Variants in QTMAN observed in about 807,000 individuals in gnomAD.
QTMAN encodes tRNA-queuosine alpha-mannosyltransferase.
the QTMAN span, chr2:144,178,729 G>A: frequency 1.1e-5 from 3 of 280,028 alleles, no homozygotes; most frequent in African/African-American, 4.6e-5. Flanking sequence ...TAGTTACAAC[G>A]AAAGCCAGAA....
At chr2:144,264,943 T>C in the QTMAN span, among the ~76,000 whole-genome samples, 1 of 152,224 alleles carries the variant, frequency 6.6e-6, no homozygotes, top group Non-Finnish European at 1.5e-5. Flanking sequence ...GACAGCTGTA[T>C]TTCTCAATCA....
chr2:144,227,963 TC>T, the QTMAN span, among the ~76,000 whole-genome samples: 2 of 152,140 alleles, frequency 1.3e-5, no homozygotes, highest in African/African-American at 4.8e-5. Context: ...TAGACAGAAG[TC>T]CCTGTGAGTA....
At chr2:144,307,268 C>G in the QTMAN span, among the ~76,000 whole-genome samples, 1 of 140,334 alleles carries the variant, frequency 7.1e-6, no homozygotes, top group South Asian at 2.2e-4. Context: ...CATTCACATG[C>G]AATATAATAA....
the QTMAN span, among the ~76,000 whole-genome samples, chr2:144,001,891 G>A: frequency 6.6e-6 from 1 of 151,870 alleles, no homozygotes; most frequent in African/African-American, 2.4e-5. Context: ...CAATTCCAAT[G>A]GCTGGTGGCA....
At chr2:144,332,213 C>T in the QTMAN span, among the ~76,000 whole-genome samples, 3 of 151,976 alleles carry the variant, frequency 2.0e-5, no homozygotes, top group African/African-American at 4.8e-5. Flanking sequence ...GTGCGGACGG[C>T]GGCGCAGGGA....
chr2:144,017,480 G>C, the QTMAN span, among the ~76,000 whole-genome samples: 1 of 152,146 alleles, frequency 6.6e-6, no homozygotes, highest in African/African-American at 2.4e-5. Flanking sequence ...CAGAGGTAAG[G>C]ATTAAGCATC....
At chr2:144,001,389 T>A in the QTMAN span, among the ~76,000 whole-genome samples, 1 of 151,954 alleles carries the variant, frequency 6.6e-6, no homozygotes, top group South Asian at 2.1e-4. Flanking sequence ...TAGTTCTCAA[T>A]GATTGGACTT....
the QTMAN span, among the ~76,000 whole-genome samples, chr2:143,961,762 C>T: frequency 6.6e-6 from 1 of 152,060 alleles, no homozygotes; most frequent in East Asian, 1.9e-4. Context: ...GATTATTCTA[C>T]TTACAGAAGC....
chr2:144,072,242 G>T, the QTMAN span, among the ~76,000 whole-genome samples: 2 of 152,084 alleles, frequency 1.3e-5, no homozygotes, highest in Non-Finnish European at 2.9e-5. Flanking sequence ...CAGAAAAAAA[G>T]CAGAAAAGAG....
At chr2:144,134,239 C>T in the QTMAN span, among the ~76,000 whole-genome samples, 1 of 152,090 alleles carries the variant, frequency 6.6e-6, no homozygotes, top group Admixed American at 6.6e-5. Context: ...GGCGCCTCGC[C>T]TTTGTTTGCA....
the QTMAN span, among the ~76,000 whole-genome samples, chr2:143,958,073 G>A: frequency 6.6e-6 from 1 of 152,006 alleles, no homozygotes; most frequent in Admixed American, 6.6e-5. Context: ...TCAAGGATAA[G>A]GTGAAATTCC....
chr2:144,290,201 G>A, the QTMAN span, among the ~76,000 whole-genome samples: 20 of 151,970 alleles, frequency 1.3e-4, no homozygotes, highest in Admixed American at 1.3e-3. Context: ...TAAGGGGATG[G>A]AACAGAGGGT....
chr2:144,317,998 T>C, the QTMAN span, among the ~76,000 whole-genome samples: 2 of 152,242 alleles, frequency 1.3e-5, no homozygotes, highest in Admixed American at 1.3e-4. Context: ...TTGAAAATGG[T>C]TTGCCTTAAA....
At chr2:144,071,674 G>A in the QTMAN span, among the ~76,000 whole-genome samples, 7 of 152,042 alleles carry the variant, frequency 4.6e-5, no homozygotes, top group Non-Finnish European at 8.8e-5. Flanking sequence ...GCCATCTAGC[G>A]GAGATGAAAG....
At chr2:144,068,462 T>C in the QTMAN span, among the ~76,000 whole-genome samples, 1 of 152,242 alleles carries the variant, frequency 6.6e-6, no homozygotes, top group Non-Finnish European at 1.5e-5. Flanking sequence ...GCTATTTATG[T>C]CAGAATGTAT....
the QTMAN span, among the ~76,000 whole-genome samples, chr2:144,303,918 G>A: frequency 0.021 from 3,157 of 152,286 alleles, 90 homozygotes; most frequent in African/African-American, 0.071. Flanking sequence ...GCTGAATCGC[G>A]GGAACAGATA....
At chr2:144,193,849 T>C in the QTMAN span, among the ~76,000 whole-genome samples, 1 of 152,134 alleles carries the variant, frequency 6.6e-6, no homozygotes, top group African/African-American at 2.4e-5. Context: ...TGATTGCTGA[T>C]ATTTAGCTAC....
At chr2:144,093,079 A>G in the QTMAN span, among the ~76,000 whole-genome samples, 2 of 152,216 alleles carry the variant, frequency 1.3e-5, no homozygotes, top group South Asian at 2.1e-4. Flanking sequence ...TTTCTTTAAC[A>G]CATTCAACAC....
At chr2:144,051,792 A>C in the QTMAN span, among the ~76,000 whole-genome samples, 1 of 152,100 alleles carries the variant, frequency 6.6e-6, no homozygotes, top group African/African-American at 2.4e-5. Flanking sequence ...AAACTACAAG[A>C]ATGGGCAAGA....
Sources: gnomAD v4.1 joint callset for allele counts (sites outside exome capture counted in the v4.1 genomes callset) on GRCh38, gnomAD v4.1.1 for gene constraint, MANE v1.5 for transcripts, NCBI Gene and HGNC (gene_info 2026-07-23, HGNC 2026-07-21) for gene names.